SEC24D: variants seen among roughly 807,000 people sequenced by gnomAD.
SEC24D encodes SEC24 homolog D, COPII component, also known as protein transport protein Sec24D.
In SEC24D, 69 loss-of-function variants were observed where a neutral mutation model predicts 116.9. That is an observed-to-expected ratio of 0.59 (90% CI 0.49 to 0.72). The LOEUF (loss-of-function observed/expected upper bound fraction) is 0.72, where lower values mean the gene tolerates loss of function less well. Among genes scored for constraint, SEC24D ranks in the 30% least tolerant of loss-of-function variants. The pLI is 0.00. For synonymous variants in SEC24D, 405 were observed against 442.8 expected, an observed-to-expected ratio of 0.91 and a Z score of 1.07; for missense variants, 1,131 against 1,264.1, an observed-to-expected ratio of 0.89 and a Z score of 1.60.
rs750980894 is a variant in SEC24D at position 118,805,973 on chromosome 4, A to T, written c.802-19T>A. ...CCTGGATCTGATAAATAAGACATCAAGAGCCCGTTAAAGTAGGTTCCAGTT... is the reference window on the plus strand; with the variant it reads ...CCTGGATCTGATAAATAAGACATCATGAGCCCGTTAAAGTAGGTTCCAGTT... On this transcript the variant is annotated intron_variant, in intron 6 of 22. Transcript: ENST00000280551. The T allele has an allele frequency of 6.6e-7, 1 of 1,524,550 alleles. No homozygotes were observed. 94.4% of individuals were successfully genotyped at this position (1,524,550 alleles called of 1,614,324 possible).
chr4:118,828,113 C>CTT (rs560161546), intron 2 of SEC24D, among the ~76,000 whole-genome samples: 5,956 of 146,068 alleles, frequency 0.041, 175 homozygotes, highest in Non-Finnish European at 0.065. Flanking sequence ...GACATTAATA[C>CTT]TTTTTTTTTT....
At chr4:118,778,092 C>T (rs1215651361) in intron 8 of SEC24D, among the ~76,000 whole-genome samples, 1 of 152,172 alleles carries the variant, frequency 6.6e-6, no homozygotes, top group African/African-American at 2.4e-5. Flanking sequence ...TTTTGCTGTG[C>T]AGAAGCTCTT....
rs775824353 is a variant in SEC24D, at chr4:118,723,490, A to T, written c.*25T>A. The T allele has an allele frequency of 6.3e-7, 1 of 1,596,488 alleles. No individual in the cohort carries two copies. Among genetic ancestry groups the T allele is most frequent in the Non-Finnish European group, 8.5e-7 (1 of 1,172,822 alleles). On this transcript the variant is annotated 3_prime_UTR_variant, in exon 23 of 23. Coordinates refer to ENST00000280551, the MANE Select transcript of SEC24D (RefSeq NM_014822.4). ...AAGGAGATTATCTCCTTGGAAATGCAACATCAATGACAGAGAAGTTTCAAT... is the reference window on the plus strand; with the variant it reads ...AAGGAGATTATCTCCTTGGAAATGCTACATCAATGACAGAGAAGTTTCAAT...
intron 11 of SEC24D, 121 bp downstream of exon 11, chr4:118,757,600 C>A: frequency 1.3e-6 from 1 of 759,028 alleles, no homozygotes; most frequent in Non-Finnish European, 2.1e-6. Context: ...TGATTTATGA[C>A]TAATTACCCA....
Position 118,770,151 on chromosome 4 carries a change from A to G in SEC24D, c.1042-1840T>C, listed in dbSNP as rs781142024. Among the ~76,000 whole-genome samples, 12 of 152,202 alleles carry G rather than the reference A, an allele frequency of 7.9e-5. 1 individual carries two copies. The highest frequency in any genetic ancestry group is 1.6e-4 in the Non-Finnish European group (11 of 68,034). ...AAGTTGAGAAGCAGAATGGATTTTT[A>G]AAACACTCCAGGAACTTTATTTAAA... On this transcript the variant is annotated intron_variant, in intron 8 of 22. Coordinates refer to ENST00000280551, the MANE Select transcript of SEC24D (RefSeq NM_014822.4).
intron 8 of SEC24D, among the ~76,000 whole-genome samples, chr4:118,771,990 A>C (rs1727924249): frequency 6.6e-6 from 1 of 152,220 alleles, no homozygotes. Context: ...AGCTCTTTTC[A>C]ATTTAGAAAG....
intron 8 of SEC24D, among the ~76,000 whole-genome samples, chr4:118,795,342 G>A (rs982462042): frequency 2.0e-5 from 3 of 150,820 alleles, no homozygotes; most frequent in African/African-American, 7.3e-5. Flanking sequence ...CCGAGTAGCT[G>A]GGACTACAGG....
chr4:118,746,291 G>C (rs1726532030), intron 13 of SEC24D, among the ~76,000 whole-genome samples: 1 of 149,886 alleles, frequency 6.7e-6, no homozygotes, highest in African/African-American at 2.4e-5. Context: ...AACGTCCACA[G>C]TCCTTTATCT....
At position 118,764,853 on chromosome 4, in the gene SEC24D, T is replaced by C; in HGVS notation, c.1245A>G (p.Pro415=). ...IGRRLDHYEK[P]ELSLGSYEYV... is the part of the protein sequence containing the mutation. ...ATTCATAAGATCCTAGAGATAACTC[T>C]GGTTTCTCATAGTGGTCCAGTCTTC... Residue 415 remains proline (P), a synonymous_variant, in exon 10 of 23, where the codon CCA becomes CCG. Transcript: ENST00000280551. The C allele has an allele frequency of 6.2e-7, 1 of 1,611,734 alleles. No individual in the cohort carries two copies. The highest frequency in any genetic ancestry group is 1.7e-4 in the Middle Eastern group (1 of 6,050).
rs1456665819 is a variant in SEC24D at position 118,797,689 on chromosome 4, T to G, written c.1035A>C (p.Ser345=). 1 of 1,599,954 alleles carries G rather than the reference T, an allele frequency of 6.3e-7. No homozygotes were observed. Among genetic ancestry groups the G allele is most frequent in the African/African-American group, 1.3e-5 (1 of 74,606 alleles). The change falls in exon 8 of 23, where the codon TCA becomes TCC. Residue 345 remains serine, a synonymous_variant. Coordinates refer to ENST00000280551, the MANE Select transcript of SEC24D (RefSeq NM_014822.4). ...TATTATATATCATTCTTACCTCATT[T>G]GAAGGAATGGTGGCAAAGGGCTTGA... ...AVIKPFATIP[S]NESPLYLVNH...
rs1216145546 is a variant in SEC24D, at chr4:118,731,983, G to A, written c.2677-476C>T. ...TGGAGTGTTTGAGGATCAGCATGAA[G>A]CCCAGTGTGGCTGAAGTGGGATGGG... is the stretch of plus-strand genomic sequence containing the variant. On this transcript the variant is annotated intron_variant, in intron 20 of 22. Transcript: ENST00000280551. Among the ~76,000 whole-genome samples, 7 of 145,750 alleles carry A rather than the reference G, an allele frequency of 4.8e-5. No individual in the cohort carries two copies. The East Asian group carries it at 1.3e-3, about 27-fold the overall frequency.
intron 3 of SEC24D, among the ~76,000 whole-genome samples, chr4:118,821,836 G>A (rs1036684433): frequency 2.0e-5 from 3 of 152,210 alleles, no homozygotes; most frequent in African/African-American, 7.2e-5. Flanking sequence ...TGAGGGCAAG[G>A]CAGCATGGTA....
intron 15 of SEC24D, among the ~76,000 whole-genome samples, chr4:118,741,406 T>C (rs186405847): frequency 1.3e-5 from 2 of 152,176 alleles, no homozygotes; most frequent in African/African-American, 2.4e-5. Context: ...GACCTTGCAA[T>C]TGGGGCTTTT....
In SEC24D at chr4:118,815,504, T is replaced by C. The variant is rs138934656; in HGVS notation, c.620A>G (p.Gln207Arg). The C allele has an allele frequency of 2.7e-4, 432 of 1,614,042 alleles. No individual in the cohort carries two copies. The highest frequency in any genetic ancestry group is 3.5e-4 in the Non-Finnish European group (417 of 1,180,028). ...SGPPPPNAQY[Q>R]PPPLPGQTLG... Reference sequence around the variant, plus strand: ...GGTCTGGCCTGGAAGAGGTGGGGGCTGGTACTGGGCATTTGGAGGAGGAGG... The same window carrying C: ...GGTCTGGCCTGGAAGAGGTGGGGGCCGGTACTGGGCATTTGGAGGAGGAGG... Residue 207 changes from glutamine (Q) to arginine (R), a missense_variant, in exon 5 of 23, where the codon CAG (glutamine) becomes CGG (arginine). Physicochemically the swap from Gln to Arg is conservative, Grantham distance 43. Coordinates refer to ENST00000280551, the MANE Select transcript of SEC24D (RefSeq NM_014822.4).
At position 118,746,956 on chromosome 4, in the gene SEC24D, TCTG is replaced by T. The variant is rs1726566893; in HGVS notation, c.1708-1899_1708-1897del. 4.6e-5 allele frequency among the ~76,000 whole-genome samples: 7 copies of T among 152,204 alleles called. 1 individual carries two copies. In the South Asian group the frequency reaches 1.2e-3, roughly 27 times the overall value. ...GTAACCTGGGGCCTGCTGTCTTGTC[TCTG>T]CTATGGCCAGTAGTGAGCAAAAATT... On this transcript the variant is annotated intron_variant, in intron 13 of 22. Coordinates refer to ENST00000280551, the MANE Select transcript of SEC24D (RefSeq NM_014822.4).
intron 21 of SEC24D, chr4:118,730,012 CTT>C (rs1725603151): frequency 6.6e-6 from 1 of 152,156 alleles, no homozygotes; most frequent in Admixed American, 6.5e-5. Context: ...TGGTTTTTAA[CTT>C]TGTTTCATTT....
intron 6 of SEC24D, among the ~76,000 whole-genome samples, chr4:118,809,585 T>C (rs1578461100): frequency 6.6e-6 from 1 of 152,174 alleles, no homozygotes; most frequent in Non-Finnish European, 1.5e-5. Context: ...ACTGGACTGA[T>C]TTGTCTGTAT....
chr4:118,804,839 T>C (rs1447162758), intron 7 of SEC24D, among the ~76,000 whole-genome samples: 2 of 151,654 alleles, frequency 1.3e-5, no homozygotes, highest in East Asian at 1.9e-4. Flanking sequence ...CTTCTGTGTA[T>C]TGAGCCCTCT....
chr4:118,778,366 C>A (rs956040090), intron 8 of SEC24D, among the ~76,000 whole-genome samples: 1 of 152,134 alleles, frequency 6.6e-6, no homozygotes, highest in African/African-American at 2.4e-5. Context: ...AACAGGGAAA[C>A]CTTTCCCCAT....
Sources: allele counts gnomAD v4.1 joint callset (sites outside exome capture counted in the v4.1 genomes callset), GRCh38; gene constraint gnomAD v4.1.1; transcripts MANE v1.5; gene names NCBI Gene and HGNC (gene_info 2026-07-23, HGNC 2026-07-21).